MRTFB: variants seen among roughly 807,000 people sequenced by gnomAD.
MRTFB encodes myocardin-related transcription factor B.
A neutral mutation model predicts 104.2 loss-of-function variants in MRTFB; 29 were observed. That is an observed-to-expected ratio of 0.28 (90% CI 0.21 to 0.38). The LOEUF (loss-of-function observed/expected upper bound fraction) is 0.38. MRTFB is among the 10% of genes least tolerant of loss of function. The probability of loss-of-function intolerance (pLI) is 1.00; values close to 1 mark genes in which losing one functional copy is unlikely to be tolerated. For synonymous variants in MRTFB, 535 were observed against 519.5 expected (o/e 1.03, Z -0.41); for missense variants, 1,270 against 1,341.6 (o/e 0.95, Z 0.83).
intron 2 of MRTFB, among the ~76,000 whole-genome samples, chr16:14,088,021 G>C (rs912361580): frequency 6.6e-6 from 1 of 152,114 alleles, no homozygotes; most frequent in Admixed American, 6.6e-5. Context: ...TTAATTCATG[G>C]CTTTGTTACC....
At chr16:14,150,103 T>G (rs1484672659) in intron 3 of MRTFB, among the ~76,000 whole-genome samples, 1 of 152,218 alleles carries the variant, frequency 6.6e-6, no homozygotes, top group African/African-American at 2.4e-5. Flanking sequence ...GCACCAACTT[T>G]GGAGCCACCC....
upstream of MRTFB, among the ~76,000 whole-genome samples, chr16:14,068,929 C>T (rs955229597): frequency 6.6e-6 from 1 of 150,422 alleles, no homozygotes; most frequent in Non-Finnish European, 1.5e-5. Context: ...CTATCTTCTC[C>T]TGTCCCTCGA....
intron 2 of MRTFB, among the ~76,000 whole-genome samples, chr16:14,085,488 A>T (rs2034653249): frequency 1.3e-5 from 2 of 151,780 alleles, no homozygotes; most frequent in African/African-American, 4.8e-5. Context: ...GAAAAGGAAA[A>T]TACAGCATTT....
intron 7 of MRTFB, 31 bp downstream of exon 7, chr16:14,217,318 GAGAA>G: frequency 6.4e-7 from 1 of 1,550,776 alleles, no homozygotes; most frequent in Non-Finnish European, 8.7e-7. Context: ...TATTTGGGGT[GAGAA>G]AGAGAAACTT....
chr16:14,210,443 A>C, intron 4 of MRTFB, 135 bp downstream of exon 4: 1 of 634,490 alleles, frequency 1.6e-6, no homozygotes, highest in Non-Finnish European at 2.6e-6. Flanking sequence ...ATTTCCAAGG[A>C]AAAATCAGGC....
chr16:14,223,719 T>G (rs1355259928), intron 8 of MRTFB, among the ~76,000 whole-genome samples: 2 of 152,102 alleles, frequency 1.3e-5, no homozygotes, highest in Non-Finnish European at 2.9e-5. Flanking sequence ...CTTAAGAGAC[T>G]TATAGGACAC....
intron 16 of MRTFB, among the ~76,000 whole-genome samples, chr16:14,259,136 C>A (rs1326691840): frequency 2.6e-5 from 4 of 152,170 alleles, no homozygotes; most frequent in African/African-American, 9.7e-5. Flanking sequence ...ATTGGCCTTA[C>A]AAAAATAACT....
Position 14,202,006 on chromosome 16 carries a change from A to G in MRTFB, c.155-8237A>G, listed in dbSNP as rs1391665382. ...GATTATGTTGTGAATGTATTTGTAC[A>G]TTGTTAAAATAGTTTTTAAGATTAT... On this transcript the variant is annotated intron_variant, in intron 3 of 16. Transcript: ENST00000571589. Among the ~76,000 whole-genome samples the G allele has an allele frequency of 5.3e-5, 8 of 152,198 alleles. 1 individual carries two copies. The highest frequency in any genetic ancestry group is 5.2e-4 in the Admixed American group (8 of 15,290).
chr16:14,132,428 G>C (rs1034825345), intron 2 of MRTFB, among the ~76,000 whole-genome samples: 1 of 152,030 alleles, frequency 6.6e-6, no homozygotes, highest in Non-Finnish European at 1.5e-5. Flanking sequence ...GAACCCAAAA[G>C]TATTTTGAAG....
At chr16:14,137,129 T>C (rs2037761641) in intron 2 of MRTFB, among the ~76,000 whole-genome samples, 2 of 152,204 alleles carry the variant, frequency 1.3e-5, no homozygotes, top group Admixed American at 1.3e-4. Context: ...GTCAATTCTA[T>C]GTGTGATATT....
chr16:14,160,627 T>A lies in MRTFB; in HGVS notation c.154+19867T>A, dbSNP rs142118356. Among the ~76,000 whole-genome samples, 3 of 152,310 alleles carry A rather than the reference T, an allele frequency of 2.0e-5. No individual in the cohort carries two copies. In the East Asian group the frequency reaches 5.8e-4, roughly 29 times the overall value. On this transcript the variant is annotated intron_variant, in intron 3 of 16. Coordinates refer to ENST00000571589, the MANE Select transcript of MRTFB (RefSeq NM_001308142.2). Reference sequence around the variant, plus strand: ...TTCCCTAAATAATTATAAAGGTACTTGCAGAATCATGATGTTTTAATTCTG... The same window carrying A: ...TTCCCTAAATAATTATAAAGGTACTAGCAGAATCATGATGTTTTAATTCTG...
chr16:14,226,227 A>G (rs1381470133), intron 8 of MRTFB, among the ~76,000 whole-genome samples: 2 of 152,222 alleles, frequency 1.3e-5, no homozygotes, highest in Non-Finnish European at 2.9e-5. Context: ...GAAAAATCTT[A>G]TGGAATCCTG....
intron 8 of MRTFB, among the ~76,000 whole-genome samples, chr16:14,231,234 GTAAC>G (rs373597308): frequency 0.029 from 4,339 of 151,518 alleles, 68 homozygotes; most frequent in Middle Eastern, 0.085. Context: ...GTATACATAT[GTAAC>G]TAACCTGCAC....
intron 3 of MRTFB, among the ~76,000 whole-genome samples, chr16:14,162,333 C>T (rs1312411062): frequency 6.6e-6 from 1 of 150,784 alleles, no homozygotes; most frequent in African/African-American, 2.5e-5. Context: ...CCCTGTTTCC[C>T]CCTCTCTTTC....
At chr16:14,149,986 A>G (rs2038532522) in intron 3 of MRTFB, among the ~76,000 whole-genome samples, 1 of 152,210 alleles carries the variant, frequency 6.6e-6, no homozygotes, top group Non-Finnish European at 1.5e-5. Flanking sequence ...ATTGAATGAA[A>G]TAAAGCATCT....
intron 2 of MRTFB, among the ~76,000 whole-genome samples, chr16:14,097,852 G>C (rs1430837615): frequency 2.0e-5 from 3 of 152,156 alleles, no homozygotes; most frequent in Non-Finnish European, 4.4e-5. Flanking sequence ...TTCTTTGTTT[G>C]ACTTCTTTCA....
the MRTFB span, among the ~76,000 whole-genome samples, chr16:14,040,820 A>T: frequency 2.0e-5 from 3 of 152,154 alleles, no homozygotes; most frequent in Non-Finnish European, 4.4e-5. Flanking sequence ...TAGGTAGAAA[A>T]ATGGTATCTC....
chr16:14,097,404 A>AT (rs1447224234), intron 2 of MRTFB, among the ~76,000 whole-genome samples: 1 of 152,206 alleles, frequency 6.6e-6, no homozygotes, highest in Non-Finnish European at 1.5e-5. Context: ...TCCAGTAGTA[A>AT]TTAACTTTTG....
chr16:14,245,177 CTGT>C (rs2042957994), intron 10 of MRTFB, among the ~76,000 whole-genome samples: 1 of 152,188 alleles, frequency 6.6e-6, no homozygotes, highest in African/African-American at 2.4e-5. Flanking sequence ...TCTCATTTGC[CTGT>C]TGTTCTGTCC....
Sources: allele counts gnomAD v4.1 joint callset (sites outside exome capture counted in the v4.1 genomes callset), GRCh38; gene constraint gnomAD v4.1.1; transcripts MANE v1.5; gene names NCBI Gene and HGNC (gene_info 2026-07-23, HGNC 2026-07-21).